NOTCH2NLC: variants seen among roughly 807,000 people sequenced by gnomAD.
NOTCH2NLC encodes notch homolog 2 N-terminal-like protein C.
Under a neutral mutation model 17.7 loss-of-function variants are expected in NOTCH2NLC, and 4 were observed. That is an observed-to-expected ratio of 0.23 (90% CI 0.11 to 0.52). The LOEUF (loss-of-function observed/expected upper bound fraction) is 0.52. NOTCH2NLC is among the 20% of genes least tolerant of loss of function. NOTCH2NLC has a pLI of 0.96. For synonymous variants in NOTCH2NLC, 18 were observed against 86.0 expected (o/e 0.21, Z 4.38); for missense variants, 57 against 207.2 (o/e 0.28, Z 4.45).
At chr1:149,414,641 G>A (rs1335753264) in intron 1 of NOTCH2NLC, among the ~76,000 whole-genome samples, 2 of 150,256 alleles carry the variant, frequency 1.3e-5, no homozygotes, top group Non-Finnish European at 3.0e-5. Flanking sequence ...TCTAAGTAAA[G>A]CTTATTATAT....
intron 3 of NOTCH2NLC, among the ~76,000 whole-genome samples, chr1:149,460,332 C>CTTTTTT: frequency 7.1e-6 from 1 of 141,336 alleles, no homozygotes; most frequent in Admixed American, 7.0e-5. Context: ...ATTCTGATCA[C>CTTTTTT]CTTTTTTTTT....
chr1:149,412,292 G>A (rs2084302464), intron 1 of NOTCH2NLC, among the ~76,000 whole-genome samples: 1 of 145,290 alleles, frequency 6.9e-6, no homozygotes, highest in African/African-American at 2.5e-5. Flanking sequence ...GGGGAAAAAA[G>A]GGTAGAATAG....
chr1:149,419,855 ATTTTTTTTT>A (rs1166865199), intron 1 of NOTCH2NLC, among the ~76,000 whole-genome samples: 17 of 78,216 alleles, frequency 2.2e-4, no homozygotes, highest in East Asian at 1.4e-3. Context: ...ATATATATAT[ATTTTTTTTT>A]TTTTTTTTTT....
At chr1:149,429,428 G>A (rs1489238683) in intron 1 of NOTCH2NLC, among the ~76,000 whole-genome samples, 1 of 149,894 alleles carries the variant, frequency 6.7e-6, no homozygotes. Context: ...CATGGCAGTA[G>A]GCAGGCCACT....
rs1326016801 is a variant in NOTCH2NLC at position 149,457,324 on chromosome 1, G to A, written c.469+1747G>A. 9.8e-5 allele frequency among the ~76,000 whole-genome samples: 4 copies of A among 40,674 alleles called. 1 individual carries two copies. In the South Asian group the frequency reaches 3.6e-3, roughly 37 times the overall value. 26.7% of individuals were successfully genotyped at this position (40,674 alleles called of 152,430 possible). The stretch of plus-strand genomic sequence containing the variant: ...TTCTTCATTTTTTCTCCTGCTTTAA[G>A]CACTAAACCAAGAGTTCTATAAATG... On this transcript the variant is annotated intron_variant, in intron 3 of 4. Coordinates refer to ENST00000650865, the MANE Select transcript of NOTCH2NLC (RefSeq NM_001364013.2).
At chr1:149,408,646 A>G (rs2084282538) in intron 1 of NOTCH2NLC, among the ~76,000 whole-genome samples, 1 of 151,312 alleles carries the variant, frequency 6.6e-6, no homozygotes, top group Non-Finnish European at 1.5e-5. Context: ...AACTCTGCCA[A>G]ATGTTCACAG....
chr1:149,430,423 T>A (rs2101488730), intron 1 of NOTCH2NLC, among the ~76,000 whole-genome samples: 1 of 143,668 alleles, frequency 7.0e-6, no homozygotes, highest in South Asian at 2.3e-4. Context: ...TTGTGCCTGG[T>A]GCATACTAGG....
chr1:149,413,466 T>C (rs1268627176), intron 1 of NOTCH2NLC, among the ~76,000 whole-genome samples: 1 of 151,254 alleles, frequency 6.6e-6, no homozygotes, highest in Non-Finnish European at 1.5e-5. Context: ...TGTTCTGCTG[T>C]GCTTGAAGGA....
chr1:149,460,891 CTT>C (rs1559611427), intron 3 of NOTCH2NLC, among the ~76,000 whole-genome samples: 1 of 131,762 alleles, frequency 7.6e-6, no homozygotes, highest in Non-Finnish European at 1.7e-5. Context: ...TTCTTTCTTT[CTT>C]TCTTTCTTTC....
chr1:149,449,884 A>G (rs1388037083), intron 2 of NOTCH2NLC, among the ~76,000 whole-genome samples: 5 of 150,478 alleles, frequency 3.3e-5, no homozygotes, highest in Non-Finnish European at 7.4e-5. Flanking sequence ...ATGGAATTAT[A>G]TAATATGTGG....
intron 1 of NOTCH2NLC, among the ~76,000 whole-genome samples, chr1:149,399,268 TA>T (rs1171723934): frequency 1.9e-4 from 28 of 150,856 alleles, no homozygotes; most frequent in African/African-American, 6.8e-4. Context: ...TGGAAGTTTT[TA>T]AGCCTCAAAT....
chr1:149,426,576 C>CTTTT (rs1224339764), intron 1 of NOTCH2NLC, among the ~76,000 whole-genome samples: 15 of 104,432 alleles, frequency 1.4e-4, no homozygotes, highest in Middle Eastern at 5.4e-3. Context: ...TTCTTTTTGC[C>CTTTT]TTTTTTTTTT....
intron 2 of NOTCH2NLC, among the ~76,000 whole-genome samples, chr1:149,448,740 T>A (rs2084570519): frequency 2.0e-5 from 3 of 148,850 alleles, no homozygotes; most frequent in Admixed American, 6.7e-5. Context: ...CCTTTTTCCA[T>A]TTTGAGCCTC....
chr1:149,414,702 C>A (rs1182040608), intron 1 of NOTCH2NLC, among the ~76,000 whole-genome samples: 4 of 151,024 alleles, frequency 2.6e-5, no homozygotes, highest in Middle Eastern at 3.4e-3. Context: ...TCCAGTGCCC[C>A]AGTGGATGGT....
rs1410209179 is a variant in NOTCH2NLC, at chr1:149,450,085, A to G, written c.210-5233A>G. ...TTTAGCTATTATGAATAATGCTGCT[A>G]TGAACATTTTTATTATGTGGGCATA... On this transcript the variant is annotated intron_variant, in intron 2 of 4. Transcript: ENST00000650865. Among the ~76,000 whole-genome samples, 31 of 143,650 alleles carry G rather than the reference A, an allele frequency of 2.2e-4. 2 individuals are homozygous for G. In the South Asian group the frequency reaches 6.1e-3, roughly 28 times the overall value. The allele number at this position is 143,650 out of a possible 152,430, so 94.2% of individuals were successfully genotyped here.
At chr1:149,429,708 AGTT>A (rs2084433198) in intron 1 of NOTCH2NLC, among the ~76,000 whole-genome samples, 1 of 151,182 alleles carries the variant, frequency 6.6e-6, no homozygotes, top group African/African-American at 2.4e-5. Context: ...TTGGTGGAGG[AGTT>A]GTTCTGACAT....
chr1:149,402,096 TGAGTTG>T (rs1323971773), intron 1 of NOTCH2NLC, among the ~76,000 whole-genome samples: 1 of 150,298 alleles, frequency 6.7e-6, no homozygotes, highest in East Asian at 2.0e-4. Context: ...TTTTTTTTTT[TGAGTTG>T]GAGTTTTGCT....
At chr1:149,409,318 G>C (rs2084285813) in intron 1 of NOTCH2NLC, among the ~76,000 whole-genome samples, 1 of 148,596 alleles carries the variant, frequency 6.7e-6, no homozygotes, top group African/African-American at 2.5e-5. Context: ...AACTCTGTGT[G>C]TGTGTGTGCA....
chr1:149,445,901 TAAAAAA>T (rs1182076544), intron 2 of NOTCH2NLC, among the ~76,000 whole-genome samples: 10 of 72,620 alleles, frequency 1.4e-4, no homozygotes, highest in African/African-American at 4.3e-4. Context: ...ATCCTCGTTT[TAAAAAA>T]AAAAAAAAAA....
Sources: gnomAD v4.1 joint callset for allele counts (sites outside exome capture counted in the v4.1 genomes callset) on GRCh38, gnomAD v4.1.1 for gene constraint, MANE v1.5 for transcripts, NCBI Gene and HGNC (gene_info 2026-07-23, HGNC 2026-07-21) for gene names.